NOVA1: variants seen among roughly 807,000 people sequenced by gnomAD.
The protein encoded by NOVA1 is NOVA alternative splicing regulator 1.
Under a neutral mutation model 38.0 loss-of-function variants are expected in NOVA1, and 7 were observed. That is an observed-to-expected ratio of 0.18 (90% CI 0.10 to 0.35). The LOEUF (loss-of-function observed/expected upper bound fraction) is 0.35. Ranked by LOEUF, NOVA1 falls within the 10% of genes least tolerant of loss-of-function variation. The pLI is 1.00. For missense variants in NOVA1, 460 were observed against 616.0 expected, an observed-to-expected ratio of 0.75 and a Z score of 2.68; for synonymous variants, 270 against 232.5, an observed-to-expected ratio of 1.16 and a Z score of -1.47.
At chr14:26,547,498 C>T (rs1052323404) in intron 2 of NOVA1, among the ~76,000 whole-genome samples, 4 of 151,994 alleles carry the variant, frequency 2.6e-5, no homozygotes, top group Non-Finnish European at 5.9e-5. Context: ...ATTCATATGG[C>T]TAAATATTGA....
intron 2 of NOVA1, among the ~76,000 whole-genome samples, chr14:26,511,621 G>C (rs947973468): frequency 1.3e-5 from 2 of 151,938 alleles, no homozygotes; most frequent in Non-Finnish European, 2.9e-5. Flanking sequence ...GCGTGGTGGT[G>C]CATGCCTGCA....
At position 26,444,936 on chromosome 14, in the gene NOVA1, G is replaced by A. The variant is rs898120551; in HGVS notation, c.*3023C>T. The A allele has an allele frequency of 1.3e-5, 2 of 151,926 alleles. No homozygotes were observed. Among genetic ancestry groups the A allele is most frequent in the Non-Finnish European group, 2.9e-5 (2 of 68,018 alleles). The allele number at this position is 151,926 out of a possible 1,614,324, so 9.4% of individuals were successfully genotyped here. A position where few individuals can be genotyped will look rare whatever the true frequency, so the allele number is the denominator to read the frequency against. ...TGCTGAAAGGACAGCTCCCAGTGTT[G>A]AGGAAAAGATCTTGGATCTAGAATG... On this transcript the variant is annotated 3_prime_UTR_variant, in exon 5 of 5. Coordinates refer to ENST00000539517, the MANE Select transcript of NOVA1 (RefSeq NM_002515.3).
chr14:26,595,690 G>C, intron 1 of NOVA1, 137 bp from the exon 2 acceptor site: 1 of 682,356 alleles, frequency 1.5e-6, no homozygotes, highest in Non-Finnish European at 2.3e-6. Flanking sequence ...AACATTTTTT[G>C]AGAATGAAAA....
chr14:26,549,833 C>T (rs1223330199), intron 2 of NOVA1: 3 of 953,858 alleles, frequency 3.1e-6, no homozygotes, highest in East Asian at 6.1e-5. Flanking sequence ...TCAGAAGTGG[C>T]TGCAATTCGG....
At chr14:26,528,008 A>T (rs919193759) in intron 2 of NOVA1, among the ~76,000 whole-genome samples, 4 of 152,212 alleles carry the variant, frequency 2.6e-5, no homozygotes, top group African/African-American at 9.6e-5. Context: ...TAAGAAAAGC[A>T]GTCTGGGTTC....
chr14:26,538,295 C>T (rs1412514583), intron 2 of NOVA1, among the ~76,000 whole-genome samples: 1 of 152,002 alleles, frequency 6.6e-6, no homozygotes, highest in African/African-American at 2.4e-5. Context: ...TAGCAAGATA[C>T]AATTTTCTAC....
intron 2 of NOVA1, among the ~76,000 whole-genome samples, chr14:26,522,013 T>C (rs984079739): frequency 9.9e-5 from 15 of 152,116 alleles, no homozygotes; most frequent in Non-Finnish European, 2.1e-4. Context: ...AATACTGATC[T>C]AGAATGAAAT....
intron 2 of NOVA1, among the ~76,000 whole-genome samples, chr14:26,532,324 C>T (rs1191860631): frequency 1.3e-5 from 2 of 152,188 alleles, no homozygotes; most frequent in African/African-American, 4.8e-5. Flanking sequence ...TATACACACA[C>T]CTAGACAATG....
At chr14:26,487,770 T>C (rs1886031359) in intron 2 of NOVA1, among the ~76,000 whole-genome samples, 3 of 152,246 alleles carry the variant, frequency 2.0e-5, no homozygotes, top group African/African-American at 7.2e-5. Flanking sequence ...ACCATTAACA[T>C]TTCTCCAAGA....
chr14:26,460,030 CTTA>C (rs559537382), intron 4 of NOVA1, among the ~76,000 whole-genome samples: 76 of 151,764 alleles, frequency 5.0e-4, no homozygotes, highest in African/African-American at 1.7e-3. Flanking sequence ...TTATATATTT[CTTA>C]TTATTTTAAT....
At chr14:26,566,951 G>A (rs986523206) in intron 2 of NOVA1, among the ~76,000 whole-genome samples, 1 of 152,056 alleles carries the variant, frequency 6.6e-6, no homozygotes, top group African/African-American at 2.4e-5. Context: ...AAAGCTAGAA[G>A]CTGGGAATAC....
chr14:26,563,228 A>G (rs1432225963), intron 2 of NOVA1, among the ~76,000 whole-genome samples: 2 of 151,962 alleles, frequency 1.3e-5, no homozygotes, highest in Non-Finnish European at 1.5e-5. Context: ...AGGAAATACA[A>G]TACAAAGAGC....
At chr14:26,575,278 T>C (rs1290245387) in intron 2 of NOVA1, among the ~76,000 whole-genome samples, 1 of 152,134 alleles carries the variant, frequency 6.6e-6, no homozygotes, top group Non-Finnish European at 1.5e-5. Context: ...CATAATACAA[T>C]GTGGTGAAAA....
At chr14:26,556,500 C>T (rs1210531757) in intron 2 of NOVA1, among the ~76,000 whole-genome samples, 1 of 152,074 alleles carries the variant, frequency 6.6e-6, no homozygotes, top group East Asian at 1.9e-4. Flanking sequence ...AAATCATAAA[C>T]CTTTCACAAA....
At chr14:26,496,905 T>C (rs536662437) in intron 2 of NOVA1, among the ~76,000 whole-genome samples, 1 of 152,156 alleles carries the variant, frequency 6.6e-6, no homozygotes, top group African/African-American at 2.4e-5. Flanking sequence ...AGCCTTGTAG[T>C]ATAGTTTAAA....
chr14:26,585,586 T>C (rs1594583781), intron 2 of NOVA1, among the ~76,000 whole-genome samples: 2 of 151,350 alleles, frequency 1.3e-5, no homozygotes, highest in South Asian at 2.1e-4. Context: ...ACTGAACATA[T>C]GGCCATGTGG....
chr14:26,467,814 G>C (rs528595411), intron 4 of NOVA1, among the ~76,000 whole-genome samples: 1 of 152,186 alleles, frequency 6.6e-6, no homozygotes, highest in African/African-American at 2.4e-5. Flanking sequence ...GTTTGTGGAA[G>C]TTACTTTTGA....
At chr14:26,597,149 C>CGGGGCAGG in intron 1 of NOVA1, 152 bp downstream of exon 1, 1 of 728,102 alleles carries the variant, frequency 1.4e-6, no homozygotes, top group Non-Finnish European at 1.8e-6. Context: ...GGAGGGGGCG[C>CGGGGCAGG]GGGGCAGGGG....
intron 2 of NOVA1, among the ~76,000 whole-genome samples, chr14:26,577,233 T>A (rs955625717): frequency 1.3e-5 from 2 of 152,094 alleles, no homozygotes; most frequent in Non-Finnish European, 2.9e-5. Flanking sequence ...ATATTCATGC[T>A]TATTCTTTAA....
Sources: gnomAD v4.1 joint callset for allele counts (sites outside exome capture counted in the v4.1 genomes callset) on GRCh38, gnomAD v4.1.1 for gene constraint, MANE v1.5 for transcripts, NCBI Gene and HGNC (gene_info 2026-07-23, HGNC 2026-07-21) for gene names.